The following EPB41L3 variants were observed in gnomAD, a reference collection of about 807,000 sequenced individuals.
The protein encoded by EPB41L3 is band 4.1-like protein 3.
In EPB41L3, 57 loss-of-function variants were observed where a neutral mutation model predicts 127.1. That is an observed-to-expected ratio of 0.45 (90% CI 0.36 to 0.56). The LOEUF (loss-of-function observed/expected upper bound fraction) is 0.56. Among genes scored for constraint, EPB41L3 ranks in the 20% least tolerant of loss-of-function variants. The probability of loss-of-function intolerance (pLI) is 0.00; values close to 1 mark genes in which losing one functional copy is unlikely to be tolerated. For missense variants in EPB41L3, 1,273 were observed against 1,372.2 expected (o/e 0.93, Z 1.14); for synonymous variants, 572 against 549.5 (o/e 1.04, Z -0.57).
chr18:5,522,475 G>A lies in EPB41L3; in HGVS notation c.-12+21438C>T, dbSNP rs553061901. ...ATAGTCATCATAATAAAGTCAATCT[G>A]TATCTATAGAATAAATTGTGATCTA... On this transcript the variant is annotated intron_variant, in intron 1 of 22. Transcript: ENST00000341928. Among the ~76,000 whole-genome samples the A allele has an allele frequency of 2.6e-5, 4 of 152,152 alleles. No homozygotes were observed. In the South Asian group the frequency reaches 8.3e-4, roughly 32 times the overall value.
At chr18:5,401,861 C>A (rs2074549532) in intron 16 of EPB41L3, among the ~76,000 whole-genome samples, 1 of 152,056 alleles carries the variant, frequency 6.6e-6, no homozygotes, top group Non-Finnish European at 1.5e-5. Context: ...AAGCGTTCAA[C>A]TTCACAGAGC....
At chr18:5,576,744 C>T (rs2094340057) in intron 3 of EPB41L3, among the ~76,000 whole-genome samples, 1 of 152,142 alleles carries the variant, frequency 6.6e-6, no homozygotes, top group African/African-American at 2.4e-5. Flanking sequence ...AGTTGCGTGG[C>T]CAGTTGTTTT....
intron 3 of EPB41L3, among the ~76,000 whole-genome samples, chr18:5,582,122 TAGTAGAAAGCCCG>T (rs2094399228): frequency 6.6e-6 from 1 of 152,230 alleles, no homozygotes; most frequent in Admixed American, 6.5e-5. Flanking sequence ...TATGGTATCT[TAGTAGAAAGCCCG>T]AGTAGATTTA....
intron 3 of EPB41L3, among the ~76,000 whole-genome samples, chr18:5,461,032 T>C (rs576252321): frequency 2.6e-5 from 4 of 152,336 alleles, no homozygotes; most frequent in South Asian, 4.1e-4. Context: ...GTTTTATTTT[T>C]TTCCCCCCTA....
In EPB41L3 at chr18:5,480,552, A is replaced by T. The variant is rs184036227; in HGVS notation, c.184-2114T>A. Among the ~76,000 whole-genome samples, 7 of 152,360 alleles carry T rather than the reference A, an allele frequency of 4.6e-5. No homozygotes were observed. In the East Asian group the frequency reaches 1.3e-3, roughly 29 times the overall value. On this transcript the variant is annotated intron_variant, in intron 2 of 22. Coordinates refer to ENST00000341928, the MANE Select transcript of EPB41L3 (RefSeq NM_012307.5). Reference sequence around the variant, plus strand: ...ACCCATGTTCTAATCGTTACTATGTACCAAAATCAGCTTCATTTTACTTCC... The same window carrying T: ...ACCCATGTTCTAATCGTTACTATGTTCCAAAATCAGCTTCATTTTACTTCC...
chr18:5,605,651 C>G lies in EPB41L3; in HGVS notation c.-306+6689G>C, dbSNP rs1427226842. Among the ~76,000 whole-genome samples, 3 of 152,100 alleles carry G rather than the reference C, an allele frequency of 2.0e-5. No individual in the cohort carries two copies. The East Asian group carries it at 5.8e-4, about 29-fold the overall frequency. ...TGTTGCCCAGGCTGGTCTCAAACTC[C>G]TGGACTCAAGTGGTCTCCCACCTCG... On this transcript the variant is annotated intron_variant, in intron 3 of 21. Coordinates refer to the EPB41L3 transcript ENST00000545076.
At chr18:5,517,299 G>A (rs2092788329) in intron 1 of EPB41L3, among the ~76,000 whole-genome samples, 1 of 152,036 alleles carries the variant, frequency 6.6e-6, no homozygotes, top group Non-Finnish European at 1.5e-5. Context: ...TTACGTTCCT[G>A]GAGCCTGCCC....
intron 1 of EPB41L3, among the ~76,000 whole-genome samples, chr18:5,622,708 T>C (rs2094877269): frequency 6.6e-6 from 1 of 152,222 alleles, no homozygotes; most frequent in South Asian, 2.1e-4. Context: ...CAGCAACTGC[T>C]TTTAAATTGG....
At chr18:5,439,744 T>C (rs1374261207) in intron 5 of EPB41L3, among the ~76,000 whole-genome samples, 1 of 152,240 alleles carries the variant, frequency 6.6e-6, no homozygotes, top group Non-Finnish European at 1.5e-5. Flanking sequence ...TTGGTTTTAT[T>C]TTCTTATTGA....
intron 1 of EPB41L3, among the ~76,000 whole-genome samples, chr18:5,500,534 C>T (rs148686424): frequency 2.0e-5 from 3 of 152,220 alleles, no homozygotes; most frequent in East Asian, 1.9e-4. Flanking sequence ...TATGCCTTAG[C>T]GAGGGGGCAA....
At chr18:5,573,641 C>T (rs1189179752) in intron 3 of EPB41L3, among the ~76,000 whole-genome samples, 1 of 152,178 alleles carries the variant, frequency 6.6e-6, no homozygotes, top group East Asian at 1.9e-4. Flanking sequence ...GACTAGCAGG[C>T]ACCTCAGCAC....
chr18:5,527,214 A>G (rs1339751069), intron 1 of EPB41L3, among the ~76,000 whole-genome samples: 1 of 152,160 alleles, frequency 6.6e-6, no homozygotes, highest in African/African-American at 2.4e-5. Context: ...CCTGAGCAGC[A>G]TGACTCTCAT....
chr18:5,399,226 C>T (rs2074096029), intron 16 of EPB41L3: 7 of 399,006 alleles, frequency 1.8e-5, no homozygotes, highest in Non-Finnish European at 3.1e-5. Context: ...GCCAATTCTT[C>T]GAAGCTTTGC....
intron 1 of EPB41L3, among the ~76,000 whole-genome samples, chr18:5,529,869 C>G (rs1001023356): frequency 1.3e-5 from 2 of 151,980 alleles, no homozygotes; most frequent in Admixed American, 1.3e-4. Flanking sequence ...AAATGTCCCA[C>G]AGGAACTTCA....
intron 3 of EPB41L3, among the ~76,000 whole-genome samples, chr18:5,472,748 A>G (rs564125754): frequency 6.6e-6 from 1 of 152,308 alleles, no homozygotes; most frequent in East Asian, 1.9e-4. Context: ...GAAGGCTACG[A>G]TGTTGAATCT....
chr18:5,629,651 C>T (rs1482827324), upstream of EPB41L3, among the ~76,000 whole-genome samples: 2 of 152,198 alleles, frequency 1.3e-5, no homozygotes, highest in Non-Finnish European at 1.5e-5. Context: ...TGAGACTCCG[C>T]TCTCTGGGCT....
chr18:5,446,029 G>A (rs2081428554), intron 3 of EPB41L3, among the ~76,000 whole-genome samples: 1 of 152,178 alleles, frequency 6.6e-6, no homozygotes, highest in South Asian at 2.1e-4. Flanking sequence ...TTCTGAGCCT[G>A]AGAAGAATTA....
intron 3 of EPB41L3, among the ~76,000 whole-genome samples, chr18:5,455,274 A>T (rs114649222): frequency 0.01 from 1,565 of 152,154 alleles, 24 homozygotes; most frequent in African/African-American, 0.035. Flanking sequence ...ATAGAAAACA[A>T]ATCATACCAT....
chr18:5,616,900 T>A (rs2094801558), intron 1 of EPB41L3, among the ~76,000 whole-genome samples: 1 of 152,348 alleles, frequency 6.6e-6, no homozygotes, highest in East Asian at 1.9e-4. Context: ...TAGACATTTG[T>A]GTTGTTTCCA....
Sources: allele counts gnomAD v4.1 joint callset (sites outside exome capture counted in the v4.1 genomes callset), GRCh38; gene constraint gnomAD v4.1.1; transcripts MANE v1.5; gene names NCBI Gene and HGNC (gene_info 2026-07-23, HGNC 2026-07-21).